Variants in TLK1 observed in about 807,000 individuals in gnomAD.
The protein encoded by TLK1 is serine/threonine-protein kinase tousled-like 1.
In TLK1, 24 loss-of-function variants were observed where a neutral mutation model predicts 105.3. The observed-to-expected ratio is 0.23, with a 90% CI of 0.17 to 0.32. The LOEUF is 0.32. Among genes scored for constraint, TLK1 ranks in the 10% least tolerant of loss-of-function variants. The probability of loss-of-function intolerance (pLI) is 1.00; values close to 1 mark genes in which losing one functional copy is unlikely to be tolerated. For missense variants in TLK1, 558 were observed against 910.5 expected (o/e 0.61, Z 4.98); for synonymous variants, 321 against 310.4 (o/e 1.03, Z -0.36).
intron 1 of TLK1, among the ~76,000 whole-genome samples, chr2:171,149,218 A>C (rs576542924): frequency 7.8e-4 from 115 of 148,254 alleles, no homozygotes; most frequent in African/African-American, 2.8e-3. Context: ...AAAAAAGGGT[A>C]GGGGCGGGCA....
chr2:171,128,968 G>GTA (rs1690982942), intron 1 of TLK1, among the ~76,000 whole-genome samples: 2 of 57,580 alleles, frequency 3.5e-5, no homozygotes, highest in African/African-American at 1.5e-4. Context: ...GGAAGAGTAT[G>GTA]TGTGTGTGTG....
chr2:171,034,238 TACTC>T (rs533892626), intron 11 of TLK1, among the ~76,000 whole-genome samples: 1 of 152,158 alleles, frequency 6.6e-6, no homozygotes, highest in Non-Finnish European at 1.5e-5. Flanking sequence ...ATTACCATAA[TACTC>T]AGTACTAGAC....
intron 1 of TLK1, among the ~76,000 whole-genome samples, chr2:171,230,115 C>T (rs534129816): frequency 4.0e-4 from 61 of 152,176 alleles, no homozygotes; most frequent in African/African-American, 1.5e-3. Context: ...CACCATCTAA[C>T]TCTTTTTATC....
chr2:171,023,438 C>CA (rs761331724), intron 12 of TLK1, among the ~76,000 whole-genome samples: 1 of 151,324 alleles, frequency 6.6e-6, no homozygotes, highest in Non-Finnish European at 1.5e-5. Flanking sequence ...CACACACACA[C>CA]CAAAACACAC....
intron 3 of TLK1, among the ~76,000 whole-genome samples, chr2:171,081,889 C>G (rs1302117197): frequency 6.6e-6 from 1 of 152,062 alleles, no homozygotes; most frequent in African/African-American, 2.4e-5. Flanking sequence ...AAACAAAATG[C>G]CTAAGAGTTT....
chr2:170,998,771 G>GT (rs1433525647), intron 18 of TLK1, among the ~76,000 whole-genome samples: 40 of 152,154 alleles, frequency 2.6e-4, no homozygotes, highest in Admixed American at 2.6e-3. Context: ...CTATTTATAA[G>GT]TTCATAATTT....
At chr2:171,161,394 G>A (rs1283281538), upstream of TLK1, among the ~76,000 whole-genome samples, 1 of 152,066 alleles carries the variant, frequency 6.6e-6, no homozygotes, top group East Asian at 1.9e-4. Flanking sequence ...CTTCTTTCTT[G>A]CCCCTCTGTA....
chr2:171,192,694 A>T (rs1276028774), intron 1 of TLK1, among the ~76,000 whole-genome samples: 1 of 121,610 alleles, frequency 8.2e-6, no homozygotes, highest in Non-Finnish European at 1.7e-5. Flanking sequence ...AATAAAAAAT[A>T]AAAAAAATAA....
chr2:171,070,148 G>A (rs913342419), intron 3 of TLK1, among the ~76,000 whole-genome samples: 1 of 151,198 alleles, frequency 6.6e-6, no homozygotes, highest in Non-Finnish European at 1.5e-5. Context: ...TTCCAATCTT[G>A]TTTCCACCAA....
intron 1 of TLK1, among the ~76,000 whole-genome samples, chr2:171,215,434 GTCT>G (rs879758109): frequency 0.19 from 28,506 of 152,064 alleles, 2,779 homozygotes; most frequent in South Asian, 0.25. Context: ...AGGGAATCAA[GTCT>G]GCATTCAGGC....
chr2:171,100,301 G>T (rs999758404), intron 2 of TLK1, among the ~76,000 whole-genome samples: 1 of 152,176 alleles, frequency 6.6e-6, no homozygotes, highest in Non-Finnish European at 1.5e-5. Context: ...GTGTGGCGGT[G>T]TGGGAAGTAA....
rs1347783137 is a variant in TLK1, at chr2:170,992,053, T to C, written c.*1727A>G. The C allele has an allele frequency of 6.6e-6, 1 of 152,152 alleles. No individual in the cohort carries two copies. 9.4% of individuals were successfully genotyped at this position (152,152 alleles called of 1,614,324 possible). On this transcript the variant is annotated 3_prime_UTR_variant, in exon 21 of 21. Coordinates refer to ENST00000431350, the MANE Select transcript of TLK1 (RefSeq NM_012290.5). Reference sequence around the variant, plus strand: ...TTTAACAGCTTGAAACAATTTACACTTGTCTTGAAGTATACTTAAGGAATT... The same window carrying C: ...TTTAACAGCTTGAAACAATTTACACCTGTCTTGAAGTATACTTAAGGAATT...
At chr2:171,099,738 G>A (rs1198541872) in intron 2 of TLK1, among the ~76,000 whole-genome samples, 2 of 152,078 alleles carry the variant, frequency 1.3e-5, no homozygotes, top group Non-Finnish European at 2.9e-5. Flanking sequence ...AAGGTTCCAG[G>A]ACAATTCAAA....
rs370336912 is a variant in TLK1, at chr2:171,070,180, T to A, written c.331-9024A>T. Among the ~76,000 whole-genome samples the A allele has an allele frequency of 5.1e-3, 768 of 151,510 alleles. 6 individuals are homozygous for A. The highest frequency in any genetic ancestry group is 0.017 in the African/African-American group (713 of 41,376). On this transcript the variant is annotated intron_variant, in intron 3 of 20. Transcript: ENST00000431350. ...CCAATCAGCTTAGAAGGTTCCTTTT[T>A]AAATTTTTTTTTTTTAATCATTGTG...
At chr2:171,067,254 G>A (rs1233857369) in intron 3 of TLK1, among the ~76,000 whole-genome samples, 1 of 151,270 alleles carries the variant, frequency 6.6e-6, no homozygotes, top group Non-Finnish European at 1.5e-5. Flanking sequence ...CTGTCTCCTG[G>A]GTTCATGCTA....
At chr2:171,135,319 G>GTGTGTA (rs533903072) in intron 1 of TLK1, among the ~76,000 whole-genome samples, 8 of 70,312 alleles carry the variant, frequency 1.1e-4, no homozygotes, top group African/African-American at 5.6e-4. Flanking sequence ...GTGTGTGTGT[G>GTGTGTA]TATATATATA....
chr2:171,227,823 C>A (rs187051748), intron 1 of TLK1, among the ~76,000 whole-genome samples: 1 of 151,930 alleles, frequency 6.6e-6, no homozygotes, highest in African/African-American at 2.4e-5. Flanking sequence ...GAGAACAATA[C>A]CCTGGAGTAT....
rs10201988 is a variant in TLK1 at position 171,057,147 on chromosome 2, A to C, written c.454-581T>G. On this transcript the variant is annotated intron_variant, in intron 5 of 20. Transcript: ENST00000431350. ...GCTGCATATGAAGAGAAGCCAACTG[A>C]TCTATTCCATAGCTATCTTTTCTCC... 3.4e-3 allele frequency among the ~76,000 whole-genome samples: 523 copies of C among 152,164 alleles called. 6 individuals carry two copies. The highest frequency in any genetic ancestry group is 0.012 in the African/African-American group (488 of 41,538).
rs146319568 is a variant in TLK1 at position 171,029,417 on chromosome 2, C to A, written c.1170-1012G>T. Among the ~76,000 whole-genome samples, 648 of 152,228 alleles carry A rather than the reference C, an allele frequency of 4.3e-3. 4 individuals are homozygous for A. The highest frequency in any genetic ancestry group is 0.015 in the African/African-American group (619 of 41,538). ...GGCTGAGGCAGGTGGATCACTGGAG[C>A]CCAGGAATTCCAGAACAGCCTGGGC... On this transcript the variant is annotated intron_variant, in intron 11 of 20. Coordinates refer to ENST00000431350, the MANE Select transcript of TLK1 (RefSeq NM_012290.5).
Sources: allele counts gnomAD v4.1 joint callset (sites outside exome capture counted in the v4.1 genomes callset), GRCh38; gene constraint gnomAD v4.1.1; transcripts MANE v1.5; gene names NCBI Gene and HGNC (gene_info 2026-07-23, HGNC 2026-07-21).